Variants in PLA2G5 observed in about 807,000 individuals in gnomAD.
The protein encoded by PLA2G5 is Ca2+-dependent phospholipase A2.
Under a neutral mutation model 15.9 loss-of-function variants are expected in PLA2G5, and 12 were observed. That is an observed-to-expected ratio of 0.76 (90% confidence interval 0.48 to 1.23). The LOEUF (loss-of-function observed/expected upper bound fraction) is 1.23. PLA2G5 is among the 50% of genes most tolerant of loss of function. The probability of loss-of-function intolerance (pLI) is 0.00; values close to 1 mark genes in which losing one functional copy is unlikely to be tolerated. For synonymous variants in PLA2G5, 71 were observed against 71.4 expected (o/e 0.99, Z 0.03); for missense variants, 169 against 177.1 (o/e 0.95, Z 0.26).
intron 1 of PLA2G5, among the ~76,000 whole-genome samples, chr1:20,035,466 AG>A (rs1252557116): frequency 1.3e-5 from 2 of 152,206 alleles, no homozygotes; most frequent in African/African-American, 4.8e-5. Flanking sequence ...ACTTTGACGA[AG>A]GTCTGCAAAA....
Position 20,091,728 on chromosome 1 carries a change from A to C in PLA2G5, c.*1036A>C, listed in dbSNP as rs2016563252. On this transcript the variant is annotated 3_prime_UTR_variant, in exon 5 of 5. Transcript: ENST00000375108. ...AATTCATAAAAGAAAGGATGTTCTG[A>C]TACCAAGACTGAAAGAAGAAAGGAT... Among the ~76,000 whole-genome samples, 1 of 152,202 alleles carries C rather than the reference A, an allele frequency of 6.6e-6. No homozygotes were observed. The highest frequency in any genetic ancestry group is 1.5e-5 in the Non-Finnish European group (1 of 68,040).
intron 1 of PLA2G5, among the ~76,000 whole-genome samples, chr1:20,082,484 G>C (rs2016086049): frequency 6.6e-6 from 1 of 151,962 alleles, no homozygotes; most frequent in Non-Finnish European, 1.5e-5. Context: ...CACTCACCCA[G>C]CTCCTGAGAT....
At chr1:20,072,797 C>T (rs1295818230) in intron 1 of PLA2G5, among the ~76,000 whole-genome samples, 1 of 152,136 alleles carries the variant, frequency 6.6e-6, no homozygotes, top group Non-Finnish European at 1.5e-5. Flanking sequence ...TCCTCTTAGG[C>T]CCAGGGAAAA....
Position 20,070,294 on chromosome 1 carries a change from C to T in PLA2G5, c.-182C>T. On this transcript the variant is annotated 5_prime_UTR_variant, in exon 1 of 5. Transcript: ENST00000375108. ...CATCATCGGTCACTCCCATTCACAG[C>T]TTTAAGATTCTGGAGGCCAAGAATT... 6.1e-6 allele frequency: 6 copies of T among 985,446 alleles called. No individual in the cohort carries two copies. The highest frequency in any genetic ancestry group is 7.2e-6 in the Non-Finnish European group (6 of 829,928). The allele number at this position is 985,446 out of a possible 1,614,324, so 61.0% of individuals were successfully genotyped here.
intron 1 of PLA2G5, among the ~76,000 whole-genome samples, chr1:20,081,061 G>A (rs1179885061): frequency 6.6e-6 from 1 of 151,898 alleles, no homozygotes; most frequent in Non-Finnish European, 1.5e-5. Flanking sequence ...TGTGGACTTG[G>A]GGGACCCGTC....
At chr1:20,050,115 A>T (rs1384459965) in intron 1 of PLA2G5, among the ~76,000 whole-genome samples, 1 of 152,192 alleles carries the variant, frequency 6.6e-6, no homozygotes, top group African/African-American at 2.4e-5. Flanking sequence ...TGGTTTGCTT[A>T]GGAAAAGGCA....
chr1:20,055,400 G>C (rs1168160362), intron 1 of PLA2G5, among the ~76,000 whole-genome samples: 1 of 152,160 alleles, frequency 6.6e-6, no homozygotes, highest in African/African-American at 2.4e-5. Context: ...CAGAATTCTG[G>C]ACAGACTGGT....
chr1:20,070,155 A>G (rs3806311), upstream of PLA2G5: 52,459 of 978,458 alleles, frequency 0.054, 1,760 homozygotes, highest in East Asian at 0.25. Flanking sequence ...AGCCAGCCAC[A>G]GGCCCTGATT....
intron 1 of PLA2G5, among the ~76,000 whole-genome samples, chr1:20,058,120 T>C (rs934750232): frequency 2.6e-5 from 4 of 152,208 alleles, no homozygotes. Context: ...GGAGAAGTAT[T>C]CTATAAATGT....
chr1:20,084,679 T>A (rs1204454561), intron 1 of PLA2G5, 142 bp from the exon 2 acceptor site: 7 of 680,112 alleles, frequency 1.0e-5, no homozygotes, highest in African/African-American at 1.8e-5. Context: ...CCTCATCTTT[T>A]CTGGCTGGAC....
At chr1:20,044,734 A>G (rs2013802107) in intron 1 of PLA2G5, among the ~76,000 whole-genome samples, 1 of 152,066 alleles carries the variant, frequency 6.6e-6, no homozygotes, top group Non-Finnish European at 1.5e-5. Context: ...AGGTGATAGA[A>G]GGATTATAGG....
At chr1:20,090,334 G>A (rs1441484482) in intron 4 of PLA2G5, among the ~76,000 whole-genome samples, 1 of 152,152 alleles carries the variant, frequency 6.6e-6, no homozygotes, top group South Asian at 2.1e-4. Flanking sequence ...AGGAAGGAAG[G>A]TGCTTCCTCT....
At chr1:20,036,461 G>A (rs1569627355) in intron 1 of PLA2G5, among the ~76,000 whole-genome samples, 3 of 151,756 alleles carry the variant, frequency 2.0e-5, no homozygotes, top group Admixed American at 6.6e-5. Context: ...TTTTCTCTTT[G>A]TCAGATTGGG....
At chr1:20,038,907 T>C (rs567935837) in intron 1 of PLA2G5, among the ~76,000 whole-genome samples, 108 of 152,358 alleles carry the variant, frequency 7.1e-4, no homozygotes, top group African/African-American at 2.4e-3. Context: ...AGTCCTCCTA[T>C]TCTCATTTTC....
At chr1:20,068,789 C>A, upstream of PLA2G5, 1 of 383,870 alleles carries the variant, frequency 2.6e-6, no homozygotes, top group South Asian at 2.4e-5. Flanking sequence ...AAATAAAAGA[C>A]AACTGGCATG....
chr1:20,064,839 T>C (rs2100493025), intron 2 of PLA2G5, among the ~76,000 whole-genome samples: 1 of 152,224 alleles, frequency 6.6e-6, no homozygotes, highest in Non-Finnish European at 1.5e-5. Flanking sequence ...ATGTACCAGC[T>C]CCATGGGAAT....
chr1:20,032,308 G>C (rs2012999968), intron 1 of PLA2G5, among the ~76,000 whole-genome samples: 1 of 151,998 alleles, frequency 6.6e-6, no homozygotes, highest in African/African-American at 2.4e-5. Context: ...CAAATGGGAG[G>C]ATAATGCGGG....
intron 2 of PLA2G5, among the ~76,000 whole-genome samples, chr1:20,061,521 A>G (rs12731352): frequency 0.18 from 27,657 of 149,598 alleles, 3,246 homozygotes; most frequent in African/African-American, 0.33. Flanking sequence ...AGGAGGTTGA[A>G]GCTGCAGTGA....
intron 1 of PLA2G5, 24 bp from the exon 2 acceptor site, chr1:20,084,797 T>G: frequency 6.4e-7 from 1 of 1,562,946 alleles, no homozygotes; most frequent in Non-Finnish European, 8.8e-7. Flanking sequence ...ATAGATCTGT[T>G]GTGGGATGTG....
Sources: allele counts gnomAD v4.1 joint callset (sites outside exome capture counted in the v4.1 genomes callset), GRCh38; gene constraint gnomAD v4.1.1; transcripts MANE v1.5; gene names NCBI Gene and HGNC (gene_info 2026-07-23, HGNC 2026-07-21).